The following CCDC93 variants were observed in gnomAD, a reference collection of about 807,000 sequenced individuals.
The protein encoded by CCDC93 is CCC complex scaffolding subunit CCDC93.
CCDC93 carries 61 observed loss-of-function variants against 108.2 expected under a neutral mutation model. The ratio of observed to expected loss-of-function variants is 0.56; its 90% CI spans 0.46 to 0.70. The LOEUF is 0.70. Ranked by LOEUF, CCDC93 falls within the 30% of genes least tolerant of loss-of-function variation. The pLI is 0.00. For missense variants in CCDC93, 685 were observed against 764.2 expected (o/e 0.90, Z 1.22); for synonymous variants, 276 against 260.4 (o/e 1.06, Z -0.58).
intron 6 of CCDC93, among the ~76,000 whole-genome samples, chr2:117,993,530 T>C (rs573687530): frequency 6.6e-6 from 1 of 152,132 alleles, no homozygotes; most frequent in South Asian, 2.1e-4. Context: ...GTACAGAGAT[T>C]ATAGGAAAAA....
At position 118,006,728 on chromosome 2, in the gene CCDC93, T is replaced by C. The variant is rs1676881340; in HGVS notation, c.245A>G (p.Gln82Arg). Residue 82 changes from glutamine (Q) to arginine (R), a missense_variant, in exon 3 of 24, where the codon CAA becomes CGA. Gln to Arg is a conservative substitution (Grantham distance 43). Transcript: ENST00000376300. ...LLFQENSTIG[Q>R]KIALSEKIVS... is the part of the protein sequence containing the mutation. ...TTTCCATAGAAAAACTTACATTTTT[T>C]GACCTATCGTAGAGTTTTCTTGAAA... The C allele has an allele frequency of 6.3e-7, 1 of 1,599,422 alleles. No individual in the cohort carries two copies. The highest frequency in any genetic ancestry group is 1.3e-5 in the African/African-American group (1 of 74,636).
chr2:117,961,090 C>T (rs1047245458), intron 11 of CCDC93, among the ~76,000 whole-genome samples: 1 of 152,070 alleles, frequency 6.6e-6, no homozygotes, highest in African/African-American at 2.4e-5. Context: ...TGGTAACCCA[C>T]CCATGGGCTG....
chr2:118,013,845 G>A, intron 1 of CCDC93, 109 bp downstream of exon 1: 2 of 957,782 alleles, frequency 2.1e-6, no homozygotes, highest in Non-Finnish European at 3.0e-6. Flanking sequence ...GCCTGAGGAA[G>A]GGGGCGGGGC....
At chr2:117,995,664 G>A (rs4142226) in intron 5 of CCDC93, 162 bp from the exon 6 acceptor site, 366,101 of 612,830 alleles carry the variant, frequency 0.6, 112,776 homozygotes, top group East Asian at 0.9. Flanking sequence ...CATGGGAAAA[G>A]GCTACAAACC....
At chr2:117,987,035 A>T (rs1185258065) in intron 6 of CCDC93, among the ~76,000 whole-genome samples, 1 of 20,434 alleles carries the variant, frequency 4.9e-5, no homozygotes, top group Admixed American at 9.8e-4. Flanking sequence ...TTCTTCTATT[A>T]AAAAAAAAAA....
rs933475665 is a variant in CCDC93, at chr2:117,941,277, T to G, written c.1434A>C (p.Ile478=). ...RLLQARRNRE[I]AILHRKIDEV... ...CATCAATCTTGCGGTGCAAAATTGC[T>G]ATTTCTCGATTTCTTCGAGCCTAAA... The change falls in exon 19 of 24, where the codon ATA becomes ATC. Residue 478 remains isoleucine, a synonymous_variant. Transcript: ENST00000376300. 1.9e-6 allele frequency: 3 copies of G among 1,613,942 alleles called. No individual in the cohort carries two copies. The Admixed American group carries it at 5.0e-5, about 27-fold the overall frequency.
At chr2:117,960,367 C>T (rs78783834) in intron 11 of CCDC93, among the ~76,000 whole-genome samples, 3,098 of 152,290 alleles carry the variant, frequency 0.02, 39 homozygotes, top group Middle Eastern at 0.071. Context: ...AGTGGATCCA[C>T]GTATCACTCA....
intron 12 of CCDC93, among the ~76,000 whole-genome samples, chr2:117,953,333 C>T (rs540030899): frequency 6.6e-6 from 1 of 152,130 alleles, no homozygotes; most frequent in Admixed American, 6.5e-5. Context: ...GTTATAATTC[C>T]AACAAGGCCT....
At chr2:117,939,520 T>C (rs1355208868) in intron 19 of CCDC93, among the ~76,000 whole-genome samples, 1 of 152,200 alleles carries the variant, frequency 6.6e-6, no homozygotes, top group Non-Finnish European at 1.5e-5. Context: ...TGTGTGAAAT[T>C]TGTTCTGTGA....
chr2:117,941,389 G>A, intron 18 of CCDC93, 92 bp from the exon 19 acceptor site: 1 of 923,734 alleles, frequency 1.1e-6, no homozygotes, highest in Admixed American at 1.8e-5. Context: ...ACCCCGACCT[G>A]AGCCCAACCA....
At chr2:117,927,125 T>G (rs4560117) in intron 23 of CCDC93, among the ~76,000 whole-genome samples, 10,508 of 152,140 alleles carry the variant, frequency 0.069, 509 homozygotes, top group Admixed American at 0.11. Context: ...TATCTCAAAA[T>G]AATAAGAGCT....
intron 12 of CCDC93, among the ~76,000 whole-genome samples, chr2:117,954,131 C>T (rs1181574225): frequency 6.6e-6 from 1 of 152,214 alleles, no homozygotes; most frequent in Non-Finnish European, 1.5e-5. Context: ...ATCTTCCCAC[C>T]TGCTTCACCC....
chr2:118,011,514 ACT>A (rs1164581226), intron 1 of CCDC93, among the ~76,000 whole-genome samples: 2 of 152,218 alleles, frequency 1.3e-5, no homozygotes, highest in African/African-American at 4.8e-5. Context: ...AAGTGAAAAC[ACT>A]CTAAGAAAAG....
Position 117,958,235 on chromosome 2 carries a change from C to G in CCDC93, c.1005+130G>C, listed in dbSNP as rs1679279259. ...ATGGATGTGTTATGTTGTAATAAAA[C>G]TTAATTTACAAAAACAAGTGGCAAC... On this transcript the variant is annotated intron_variant, in intron 12 of 23. Transcript: ENST00000376300. 4 of 636,104 alleles carry G rather than the reference C, an allele frequency of 6.3e-6. No homozygotes were observed. In the African/African-American group the frequency reaches 7.3e-5, roughly 12 times the overall value. 39.4% of individuals were successfully genotyped at this position (636,104 alleles called of 1,614,324 possible).
intron 12 of CCDC93, among the ~76,000 whole-genome samples, chr2:117,953,087 A>G (rs758838620): frequency 6.6e-6 from 1 of 152,236 alleles, no homozygotes; most frequent in Non-Finnish European, 1.5e-5. Flanking sequence ...CATTCCTTTA[A>G]ATGCTCAAAA....
At chr2:117,935,814 A>AT in intron 21 of CCDC93, 1 of 376,796 alleles carries the variant, frequency 2.7e-6, no homozygotes, top group Non-Finnish European at 4.7e-6. Context: ...CTTTTTTGTC[A>AT]TACTTTCCCT....
At chr2:117,952,618 T>C (rs1282589752) in intron 12 of CCDC93, among the ~76,000 whole-genome samples, 183 bp from the exon 13 acceptor site, 1 of 152,206 alleles carries the variant, frequency 6.6e-6, no homozygotes, top group Non-Finnish European at 1.5e-5. Flanking sequence ...ACCAAGTACA[T>C]GTCAGCTGAT....
At chr2:117,940,969 A>C (rs1310517809) in intron 19 of CCDC93, among the ~76,000 whole-genome samples, 1 of 152,192 alleles carries the variant, frequency 6.6e-6, no homozygotes, top group Non-Finnish European at 1.5e-5. Context: ...CTTTAGTCTA[A>C]GAGCTCAACT....
intron 23 of CCDC93, 28 bp downstream of exon 23, chr2:117,931,009 T>G (rs1678307522): frequency 6.9e-7 from 1 of 1,456,328 alleles, no homozygotes; most frequent in South Asian, 1.2e-5. Flanking sequence ...CACGTTAGCC[T>G]TAATGTGCTA....
Sources: gnomAD v4.1 joint callset for allele counts (sites outside exome capture counted in the v4.1 genomes callset) on GRCh38, gnomAD v4.1.1 for gene constraint, MANE v1.5 for transcripts, NCBI Gene and HGNC (gene_info 2026-07-23, HGNC 2026-07-21) for gene names.